Variants in WDR19 observed in about 807,000 individuals in gnomAD.
WDR19 encodes WD repeat-containing protein 19.
A neutral mutation model predicts 180.0 loss-of-function variants in WDR19; 121 were observed. That is an observed-to-expected ratio of 0.67 (90% CI 0.58 to 0.78). The LOEUF is 0.78. Among genes scored for constraint, WDR19 ranks in the 30% least tolerant of loss-of-function variants. The probability of loss-of-function intolerance (pLI) is 0.00; values close to 1 mark genes in which losing one functional copy is unlikely to be tolerated. For synonymous variants in WDR19, 497 were observed against 540.7 expected (o/e 0.92, Z 1.12); for missense variants, 1,450 against 1,640.7 (o/e 0.88, Z 2.01).
At chr4:39,256,898 T>A (rs1252518110) in intron 27 of WDR19, among the ~76,000 whole-genome samples, 1 of 152,142 alleles carries the variant, frequency 6.6e-6, no homozygotes, top group African/African-American at 2.4e-5. Flanking sequence ...ATCATCTCCA[T>A]GCAAAACCAT....
At chr4:39,265,816 A>C (rs1196376560) in intron 28 of WDR19, among the ~76,000 whole-genome samples, 1 of 151,480 alleles carries the variant, frequency 6.6e-6, no homozygotes, top group African/African-American at 2.4e-5. Context: ...TTCTCTGTGC[A>C]TGTGAAAGAA....
intron 36 of WDR19, among the ~76,000 whole-genome samples, chr4:39,285,241 T>C (rs570965308): frequency 2.5e-5 from 1 of 39,690 alleles, no homozygotes; most frequent in East Asian, 5.0e-4. Flanking sequence ...ATGGCTGTTA[T>C]CATCAGCATC....
intron 17 of WDR19, 113 bp downstream of exon 17, chr4:39,228,803 A>AT: frequency 8.1e-7 from 1 of 1,236,496 alleles, no homozygotes; most frequent in Non-Finnish European, 1.1e-6. Flanking sequence ...TCCTTGCAAG[A>AT]ATTTTTTTTT....
chr4:39,280,127 T>TG (rs1736344718), intron 36 of WDR19, among the ~76,000 whole-genome samples: 1 of 109,586 alleles, frequency 9.1e-6, no homozygotes, highest in Non-Finnish European at 2.2e-5. Context: ...TTGTTTTTTT[T>TG]TTTTTTTTTT....
intron 12 of WDR19, among the ~76,000 whole-genome samples, 156 bp downstream of exon 12, chr4:39,216,366 T>G (rs1729071540): frequency 1.3e-5 from 2 of 152,224 alleles, no homozygotes; most frequent in Admixed American, 1.3e-4. Flanking sequence ...TTCTAAAAAT[T>G]TGCATAATTT....
chr4:39,227,954 G>C (rs532994578), intron 15 of WDR19, among the ~76,000 whole-genome samples: 140 of 152,246 alleles, frequency 9.2e-4, no homozygotes, highest in Admixed American at 3.0e-3. Flanking sequence ...TTTGTGTCTA[G>C]ACTTGTGGGT....
chr4:39,197,602 T>C (rs1355180407), intron 5 of WDR19, among the ~76,000 whole-genome samples: 1 of 152,044 alleles, frequency 6.6e-6, no homozygotes, highest in African/African-American at 2.4e-5. Context: ...TGAGGATTTA[T>C]CTATCCCAAG....
At chr4:39,205,316 T>A (rs2109300382) in intron 8 of WDR19, 50 bp downstream of exon 8, 1 of 1,447,620 alleles carries the variant, frequency 6.9e-7, no homozygotes, top group East Asian at 2.4e-5. Flanking sequence ...CAGAAGGACA[T>A]CTGTAGGTTT....
intron 9 of WDR19, among the ~76,000 whole-genome samples, chr4:39,211,872 C>CA (rs1357089716): frequency 6.7e-6 from 1 of 150,170 alleles, no homozygotes; most frequent in African/African-American, 2.5e-5. Flanking sequence ...AAATTTATAT[C>CA]AAAATCCCAG....
At chr4:39,220,550 G>T (rs1577912757) in intron 14 of WDR19, among the ~76,000 whole-genome samples, 3 of 108,662 alleles carry the variant, frequency 2.8e-5, no homozygotes, top group Admixed American at 9.8e-5. Context: ...TTTAGAAACA[G>T]ACCTCCTTGA....
intron 1 of WDR19, among the ~76,000 whole-genome samples, chr4:39,184,381 G>C (rs1032530475): frequency 2.0e-5 from 3 of 151,406 alleles, no homozygotes; most frequent in Admixed American, 2.0e-4. Flanking sequence ...CTGCACTCCA[G>C]AGCCTGGGCG....
chr4:39,257,439 T>C lies in WDR19; in HGVS notation c.3115-47T>C, dbSNP rs75158432. On this transcript the variant is annotated intron_variant, in intron 27 of 36. Transcript: ENST00000399820. ...TGTGTGAAAGCTTTGTTTTCCCTAA[T>C]GTGAAAACATTCTGAAAATTTTTAA... 3.2e-3 allele frequency: 4,883 copies of C among 1,507,642 alleles called. 90 individuals are homozygous for C. In the East Asian group the frequency reaches 0.048, roughly 15 times the overall value. 93.4% of individuals were successfully genotyped at this position (1,507,642 alleles called of 1,614,324 possible).
intron 21 of WDR19, 89 bp from the exon 22 acceptor site, chr4:39,244,159 C>A: frequency 1.4e-6 from 2 of 1,423,672 alleles, no homozygotes; most frequent in Non-Finnish European, 9.4e-7. Flanking sequence ...AACCTTTGGA[C>A]TCATTTTAGA....
intron 28 of WDR19, among the ~76,000 whole-genome samples, chr4:39,261,659 T>A (rs747669156): frequency 5.9e-5 from 9 of 152,188 alleles, no homozygotes; most frequent in Non-Finnish European, 1.2e-4. Flanking sequence ...ACATGGAATT[T>A]CCACTAGAAC....
chr4:39,246,645 A>T (rs1234011764), intron 24 of WDR19, among the ~76,000 whole-genome samples: 1 of 152,022 alleles, frequency 6.6e-6, no homozygotes, highest in Admixed American at 6.6e-5. Flanking sequence ...AAATCGGGTC[A>T]CTCCCACCCT....
chr4:39,271,821 C>T (rs1001098838), intron 31 of WDR19, among the ~76,000 whole-genome samples: 2 of 152,188 alleles, frequency 1.3e-5, no homozygotes, highest in Non-Finnish European at 2.9e-5. Flanking sequence ...GAATGTTCTA[C>T]AGTGATAGAA....
chr4:39,247,916 T>C (rs1177198299), intron 24 of WDR19, among the ~76,000 whole-genome samples: 1 of 152,200 alleles, frequency 6.6e-6, no homozygotes, highest in East Asian at 1.9e-4. Context: ...TGGAACCAAG[T>C]TGGAAAACAC....
chr4:39,224,127 G>A (rs969098693), intron 14 of WDR19, among the ~76,000 whole-genome samples: 4 of 151,976 alleles, frequency 2.6e-5, no homozygotes, highest in African/African-American at 9.7e-5. Flanking sequence ...TTTTAATTTG[G>A]TATGTACATG....
intron 17 of WDR19, among the ~76,000 whole-genome samples, chr4:39,230,799 A>T (rs936372669): frequency 1.2e-4 from 19 of 152,344 alleles, no homozygotes; most frequent in Non-Finnish European, 2.2e-4. Flanking sequence ...AGATAAATGG[A>T]TGAATGAATA....
Sources: allele counts gnomAD v4.1 joint callset (sites outside exome capture counted in the v4.1 genomes callset), GRCh38; gene constraint gnomAD v4.1.1; transcripts MANE v1.5; gene names NCBI Gene and HGNC (gene_info 2026-07-23, HGNC 2026-07-21).